The following KLHDC10 variants were observed in gnomAD, a reference collection of about 807,000 sequenced individuals.
KLHDC10 encodes kelch domain-containing protein 10.
A neutral mutation model predicts 56.1 loss-of-function variants in KLHDC10; 24 were observed. The observed-to-expected ratio is 0.43, with a 90% CI of 0.31 to 0.60. KLHDC10 has a LOEUF of 0.60. KLHDC10 is among the 20% of genes least tolerant of loss of function. KLHDC10 has a pLI of 0.11. For synonymous variants in KLHDC10, 188 were observed against 207.1 expected, an observed-to-expected ratio of 0.91 and a Z score of 0.79; for missense variants, 349 against 567.0, an observed-to-expected ratio of 0.62 and a Z score of 3.91.
rs1192686895 is a variant in KLHDC10, at chr7:130,130,790, G to A, written c.*44G>A. On this transcript the variant is annotated 3_prime_UTR_variant, in exon 10 of 10. Coordinates refer to ENST00000335420, the MANE Select transcript of KLHDC10 (RefSeq NM_014997.4). This position sits in a 1 kb window ranked among gnomAD's most constrained non-coding sequence, Gnocchi z 4.2. ...TTGATACTGGAAATGTTAATTTAAA[G>A]AGACTCCTTTATTTATGGGCAGTGT... 1 of 1,563,826 alleles carries A rather than the reference G, an allele frequency of 6.4e-7. No homozygotes were observed. Among genetic ancestry groups the A allele is most frequent in the Admixed American group, 1.7e-5 (1 of 59,878 alleles).
At chr7:130,117,894 G>A (rs539082936) in intron 3 of KLHDC10, among the ~76,000 whole-genome samples, 23 of 150,994 alleles carry the variant, frequency 1.5e-4, no homozygotes, top group Admixed American at 3.3e-4. Flanking sequence ...GCCGGGCATG[G>A]TGGCTCACAC....
chr7:130,077,381 A>AAAAAAAAAC (rs1213533247), intron 1 of KLHDC10, among the ~76,000 whole-genome samples: 1 of 146,776 alleles, frequency 6.8e-6, no homozygotes, highest in African/African-American at 2.5e-5. Context: ...AAAAAAAAAA[A>AAAAAAAAAC]ACAGTATATG....
chr7:130,077,353 CAAAAAAAAAAAAAAA>C (rs35132418), intron 1 of KLHDC10, among the ~76,000 whole-genome samples: 3 of 17,898 alleles, frequency 1.7e-4, no homozygotes, highest in South Asian at 4.3e-3. Context: ...GACTCTGTCT[CAAAAAAAAAAAAAAA>C]AAAAAAAAAA....
chr7:130,123,251 G>A (rs536062804), intron 5 of KLHDC10, among the ~76,000 whole-genome samples: 7 of 152,036 alleles, frequency 4.6e-5, no homozygotes, highest in African/African-American at 1.7e-4. Flanking sequence ...GGCGGATCAC[G>A]AGGTCAGGAG....
chr7:130,077,834 C>T (rs934345617), intron 1 of KLHDC10, among the ~76,000 whole-genome samples: 9 of 151,894 alleles, frequency 5.9e-5, no homozygotes, highest in East Asian at 1.9e-4. Flanking sequence ...AGATTACAGA[C>T]GAGAGCCACC....
chr7:130,130,808 G>C lies in KLHDC10; in HGVS notation c.*62G>C. The stretch of plus-strand genomic sequence containing the variant: ...ATTTAAAGAGACTCCTTTATTTATG[G>C]GCAGTGTAGAATGTGCTACAAAGAG... On this transcript the variant is annotated 3_prime_UTR_variant, in exon 10 of 10. Transcript: ENST00000335420. The surrounding 1 kb of genome is among the most constrained non-coding windows in gnomAD (Gnocchi z 4.2). 6.7e-7 allele frequency: 1 copy of C among 1,493,696 alleles called. No homozygotes were observed. Among genetic ancestry groups the C allele is most frequent in the Non-Finnish European group, 9.3e-7 (1 of 1,071,428 alleles). 92.5% of individuals were successfully genotyped at this position (1,493,696 alleles called of 1,614,324 possible). A position where few individuals can be genotyped will look rare whatever the true frequency, so the allele number is the denominator to read the frequency against.
chr7:130,130,680 A>G lies in KLHDC10; in HGVS notation c.1263A>G (p.Ala421=), dbSNP rs1194576031. 2 of 1,614,172 alleles carry G rather than the reference A, an allele frequency of 1.2e-6. No individual in the cohort carries two copies. Among genetic ancestry groups the G allele is most frequent in the Admixed American group, 1.7e-5 (1 of 60,022 alleles). ...EKLLAAFPNL[A]NLSRTQLLHL... ...TGCTTGCGGCCTTCCCTAACCTTGCAAACCTCTCCCGAACACAACTTCTGC... is the reference window on the plus strand; with the variant it reads ...TGCTTGCGGCCTTCCCTAACCTTGCGAACCTCTCCCGAACACAACTTCTGC... Residue 421 remains alanine, a synonymous_variant, in exon 10 of 10, where the codon GCA becomes GCG. Transcript: ENST00000335420. The surrounding 1 kb of genome is among the most constrained non-coding windows in gnomAD (Gnocchi z 4.2).
At chr7:130,093,976 T>C (rs1795814921) in intron 1 of KLHDC10, among the ~76,000 whole-genome samples, 1 of 152,194 alleles carries the variant, frequency 6.6e-6, no homozygotes, top group African/African-American at 2.4e-5. Context: ...CAGAGTGGAA[T>C]TCAGTGGCAC....
chr7:130,093,006 C>T (rs80104251), intron 1 of KLHDC10, among the ~76,000 whole-genome samples: 17 of 142,580 alleles, frequency 1.2e-4, no homozygotes, highest in African/African-American at 4.4e-4. Context: ...TTAATTATGT[C>T]TTTTTTTTTT....
chr7:130,115,860 C>T (rs1030324277), intron 2 of KLHDC10, among the ~76,000 whole-genome samples: 2 of 151,928 alleles, frequency 1.3e-5, no homozygotes, highest in African/African-American at 4.8e-5. Context: ...CTTTGTTAAC[C>T]TCCATAATAT....
At chr7:130,117,239 AGG>A (rs1796180524) in intron 3 of KLHDC10, among the ~76,000 whole-genome samples, 2 of 152,236 alleles carry the variant, frequency 1.3e-5, no homozygotes, top group Admixed American at 6.5e-5. Flanking sequence ...TTGCTGGTGG[AGG>A]GTTTTGTCTT....
chr7:130,082,004 A>G (rs1795614982), intron 1 of KLHDC10, among the ~76,000 whole-genome samples: 1 of 152,192 alleles, frequency 6.6e-6, no homozygotes, highest in East Asian at 1.9e-4. Flanking sequence ...AAGGAATACA[A>G]ACTCATTAAT....
rs765885177 is a variant in KLHDC10, at chr7:130,120,864, C to T, written c.591C>T (p.Leu197=). The T allele has an allele frequency of 5.6e-6, 9 of 1,614,068 alleles. No individual in the cohort carries two copies. In the Admixed American group the frequency reaches 1.3e-4, roughly 24 times the overall value. The change falls in exon 4 of 10, where the codon CTC becomes CTT. Residue 197 remains leucine, a synonymous_variant. Transcript: ENST00000335420. The surrounding 1 kb of genome is among the most constrained non-coding windows in gnomAD (Gnocchi z 5.1). ...CNVKYKRWAL[L]SCRGKKPSRI... ...TGAAGTATAAGAGATGGGCTTTGCTCAGCTGTCGGGGGAAGAAACCCAGTC... is the reference window on the plus strand; with the variant it reads ...TGAAGTATAAGAGATGGGCTTTGCTTAGCTGTCGGGGGAAGAAACCCAGTC...
intron 2 of KLHDC10, among the ~76,000 whole-genome samples, chr7:130,109,726 C>T (rs1374436461): frequency 6.6e-6 from 1 of 152,154 alleles, no homozygotes; most frequent in Non-Finnish European, 1.5e-5. Context: ...GCAACTTCCA[C>T]CTCTCAGTTT....
chr7:130,110,917 C>T (rs1796091788), intron 2 of KLHDC10, among the ~76,000 whole-genome samples: 1 of 151,938 alleles, frequency 6.6e-6, no homozygotes, highest in Non-Finnish European at 1.5e-5. Context: ...TGTATTTAAG[C>T]TTCTGTGATG....
At chr7:130,126,809 A>C (rs530259350) in intron 7 of KLHDC10, among the ~76,000 whole-genome samples, 1 of 151,956 alleles carries the variant, frequency 6.6e-6, no homozygotes, top group Admixed American at 6.6e-5. Context: ...TGGGTGATAT[A>C]AGAAATTGGA....
At chr7:130,124,209 A>G (rs1172363885) in intron 5 of KLHDC10, among the ~76,000 whole-genome samples, 1 of 152,238 alleles carries the variant, frequency 6.6e-6, no homozygotes, top group Non-Finnish European at 1.5e-5. Context: ...TTAAAAAATA[A>G]TGACACAAAA....
chr7:130,078,061 AT>A (rs142201663), intron 1 of KLHDC10, among the ~76,000 whole-genome samples: 14 of 149,244 alleles, frequency 9.4e-5, no homozygotes, highest in Admixed American at 2.0e-4. Flanking sequence ...TCTCCTTTTC[AT>A]TTTTTTTTCT....
At chr7:130,112,600 T>C (rs1253593248) in intron 2 of KLHDC10, among the ~76,000 whole-genome samples, 1 of 152,198 alleles carries the variant, frequency 6.6e-6, no homozygotes, top group Non-Finnish European at 1.5e-5. Flanking sequence ...TTTGTCAAGG[T>C]TGAGGACCCT....
Sources: gnomAD v4.1 joint callset for allele counts (sites outside exome capture counted in the v4.1 genomes callset) on GRCh38, gnomAD v4.1.1 for gene constraint, Gnocchi (gnomAD v3.1) non-coding constraint, MANE v1.5 for transcripts, NCBI Gene and HGNC (gene_info 2026-07-23, HGNC 2026-07-21) for gene names.